DLGAP1: variants seen among roughly 807,000 people sequenced by gnomAD.
The protein encoded by DLGAP1 is DLG associated protein 1.
Under a neutral mutation model 90.8 loss-of-function variants are expected in DLGAP1, and 11 were observed. The observed-to-expected ratio is 0.12, with a 90% CI of 0.08 to 0.20. The LOEUF (loss-of-function observed/expected upper bound fraction) is 0.20, where lower values mean the gene tolerates loss of function less well. Ranked by LOEUF, DLGAP1 falls within the 10% of genes least tolerant of loss-of-function variation. DLGAP1 has a pLI of 1.00. For missense variants in DLGAP1, 1,050 were observed against 1,333.8 expected (o/e 0.79, Z 3.31); for synonymous variants, 558 against 540.7 (o/e 1.03, Z -0.44).
intron 1 of DLGAP1, among the ~76,000 whole-genome samples, chr18:4,322,901 C>T (rs1245157477): frequency 8.2e-6 from 1 of 121,574 alleles, no homozygotes; most frequent in African/African-American, 3.2e-5. Context: ...GCGGAGATTG[C>T]AGTAAGCTGA....
At chr18:3,571,029 T>C (rs1471266595) in intron 8 of DLGAP1, among the ~76,000 whole-genome samples, 1 of 151,882 alleles carries the variant, frequency 6.6e-6, no homozygotes, top group Non-Finnish European at 1.5e-5. Context: ...AACATCAAAT[T>C]GTCAAGCTCG....
intron 7 of DLGAP1, among the ~76,000 whole-genome samples, chr18:3,620,541 A>G (rs2058057739): frequency 2.5e-5 from 3 of 121,330 alleles, no homozygotes; most frequent in Admixed American, 9.1e-5. Flanking sequence ...AACTGCTATC[A>G]CATTTTATTA....
intron 1 of DLGAP1, among the ~76,000 whole-genome samples, chr18:4,301,541 C>T (rs961742317): frequency 5.3e-5 from 8 of 152,168 alleles, no homozygotes; most frequent in Admixed American, 6.5e-5. Flanking sequence ...ATCCATTCAT[C>T]GGTTGGTGGA....
intron 1 of DLGAP1, among the ~76,000 whole-genome samples, chr18:4,214,873 A>G (rs1293955475): frequency 6.6e-6 from 1 of 152,104 alleles, no homozygotes; most frequent in African/African-American, 2.4e-5. Flanking sequence ...GAAAACAAAC[A>G]CCAGAATTTT....
At chr18:3,539,899 T>C (rs758095065) in intron 9 of DLGAP1, among the ~76,000 whole-genome samples, 35 of 152,212 alleles carry the variant, frequency 2.3e-4, no homozygotes, top group Non-Finnish European at 4.4e-4. Context: ...ATTCACATAA[T>C]GGCTGCTTTT....
chr18:3,677,960 G>GTTT (rs71160908), intron 7 of DLGAP1, among the ~76,000 whole-genome samples: 1 of 81,182 alleles, frequency 1.2e-5, no homozygotes, highest in East Asian at 3.8e-4. Flanking sequence ...TGCCCGGTGG[G>GTTT]TTTTTTTTTT....
intron 1 of DLGAP1, among the ~76,000 whole-genome samples, chr18:4,433,249 T>C (rs551190879): frequency 6.6e-5 from 10 of 152,244 alleles, no homozygotes; most frequent in Non-Finnish European, 1.3e-4. Context: ...TGAGTCTCAA[T>C]TTATTCATCT....
intron 3 of DLGAP1, among the ~76,000 whole-genome samples, chr18:3,890,885 C>T (rs921043067): frequency 2.0e-5 from 3 of 152,130 alleles, no homozygotes; most frequent in African/African-American, 7.2e-5. Flanking sequence ...TGCACCACTG[C>T]GCCAGCTTAT....
chr18:3,710,464 C>T (rs992721388), intron 7 of DLGAP1, among the ~76,000 whole-genome samples: 1 of 152,224 alleles, frequency 6.6e-6, no homozygotes, highest in African/African-American at 2.4e-5. Context: ...AGGTTAAAGA[C>T]TCTGGTCTAA....
At chr18:4,035,254 G>T (rs2074869293) in intron 2 of DLGAP1, among the ~76,000 whole-genome samples, 1 of 152,146 alleles carries the variant, frequency 6.6e-6, no homozygotes, top group Non-Finnish European at 1.5e-5. Context: ...AGAACACAAG[G>T]GGGGACTGCT....
At chr18:3,870,605 CATCTATCTATCTATCTATCTATCT>C (rs67573915) in intron 4 of DLGAP1, among the ~76,000 whole-genome samples, 4 of 148,228 alleles carry the variant, frequency 2.7e-5, no homozygotes, top group South Asian at 2.2e-4. Flanking sequence ...TACATAAATA[CATCTATCTATCTATCTATCTATCT>C]ATCTATCTAT....
chr18:3,543,072 T>C (rs1458882973), intron 9 of DLGAP1, among the ~76,000 whole-genome samples: 12 of 152,112 alleles, frequency 7.9e-5, no homozygotes, highest in Admixed American at 3.3e-4. Context: ...TTGTTGTTAA[T>C]AGTAGTCAAC....
intron 2 of DLGAP1, among the ~76,000 whole-genome samples, chr18:4,140,649 G>A (rs1333145741): frequency 6.6e-6 from 1 of 151,852 alleles, no homozygotes; most frequent in Admixed American, 6.6e-5. Context: ...GCACCTTCAG[G>A]TGATTTATTG....
chr18:4,319,422 T>A (rs1261337321), intron 1 of DLGAP1, among the ~76,000 whole-genome samples: 1 of 152,216 alleles, frequency 6.6e-6, no homozygotes, highest in East Asian at 1.9e-4. Context: ...AAAGGAGTAC[T>A]CAGTCTAGTT....
At chr18:4,248,043 GA>G (rs1163476315) in intron 1 of DLGAP1, among the ~76,000 whole-genome samples, 1 of 151,994 alleles carries the variant, frequency 6.6e-6, no homozygotes, top group Admixed American at 6.5e-5. Flanking sequence ...TGCGAGAGAT[GA>G]AAAAAATATC....
chr18:4,233,895 T>C (rs1488794829), intron 1 of DLGAP1, among the ~76,000 whole-genome samples: 3 of 152,146 alleles, frequency 2.0e-5, no homozygotes, highest in Non-Finnish European at 4.4e-5. Context: ...TTAATACAAA[T>C]AAACATAATA....
At chr18:4,234,417 T>C (rs2078362143) in intron 1 of DLGAP1, among the ~76,000 whole-genome samples, 1 of 152,196 alleles carries the variant, frequency 6.6e-6, no homozygotes, top group Non-Finnish European at 1.5e-5. Flanking sequence ...ACTATGATGA[T>C]AACACAGCAG....
intron 4 of DLGAP1, among the ~76,000 whole-genome samples, chr18:3,829,870 C>T (rs1022334559): frequency 1.3e-5 from 2 of 152,292 alleles, no homozygotes; most frequent in South Asian, 4.1e-4. Context: ...GGTGGCTGCA[C>T]AGAACTAACC....
chr18:4,067,586 G>C (rs1286897358), intron 2 of DLGAP1, among the ~76,000 whole-genome samples: 3 of 143,748 alleles, frequency 2.1e-5, no homozygotes, highest in Admixed American at 2.1e-4. Context: ...TGAGAGTTTG[G>C]CATTTTTTTT....
Sources: allele counts gnomAD v4.1 joint callset (sites outside exome capture counted in the v4.1 genomes callset), GRCh38; gene constraint gnomAD v4.1.1; transcripts MANE v1.5; gene names NCBI Gene and HGNC (gene_info 2026-07-23, HGNC 2026-07-21).